The following TBL1XR1 variants were observed in gnomAD, a reference collection of about 807,000 sequenced individuals.
The protein encoded by TBL1XR1 is TBL1X/Y related 1, also known as F-box-like/WD repeat-containing protein TBL1XR1.
Under a neutral mutation model 66.9 loss-of-function variants are expected in TBL1XR1, and 5 were observed. The ratio of observed to expected loss-of-function variants is 0.07; its 90% CI spans 0.04 to 0.16. The LOEUF (loss-of-function observed/expected upper bound fraction) is 0.16, where lower values mean the gene tolerates loss of function less well. TBL1XR1 is among the 10% of genes least tolerant of loss of function. The pLI, the probability that TBL1XR1 is intolerant of heterozygous loss-of-function variation, is 1.00. For synonymous variants in TBL1XR1, 210 were observed against 206.0 expected, an observed-to-expected ratio of 1.02 and a Z score of -0.17; for missense variants, 238 against 623.2, an observed-to-expected ratio of 0.38 and a Z score of 6.58.
At chr3:177,072,412 C>T (rs1331420255) in intron 2 of TBL1XR1, among the ~76,000 whole-genome samples, 1 of 149,764 alleles carries the variant, frequency 6.7e-6, no homozygotes, top group Non-Finnish European at 1.5e-5. Context: ...CTTAGTATTA[C>T]GAATCAAGAC....
intron 3 of TBL1XR1, among the ~76,000 whole-genome samples, chr3:177,057,145 T>C (rs1717906730): frequency 6.6e-6 from 1 of 152,186 alleles, no homozygotes; most frequent in East Asian, 1.9e-4. Flanking sequence ...TAAATTCAAG[T>C]GGTGGCAAAT....
intron 1 of TBL1XR1, among the ~76,000 whole-genome samples, chr3:177,191,193 T>G (rs1218329440): frequency 1.3e-5 from 2 of 152,150 alleles, no homozygotes; most frequent in East Asian, 3.8e-4. Flanking sequence ...GCATACAAAT[T>G]CAATCCAGTT....
At chr3:177,196,762 A>AG (rs546380496) in intron 1 of TBL1XR1, among the ~76,000 whole-genome samples, 1 of 151,884 alleles carries the variant, frequency 6.6e-6, no homozygotes, top group Non-Finnish European at 1.5e-5. Context: ...ACGCACAAAA[A>AG]GGGGGTGTAA....
At position 177,020,015 on chromosome 3, in the gene TBL1XR1, G is replaced by C. The variant is rs1034990518; in HGVS notation, c.*5483C>G. 1 of 148,670 alleles carries C rather than the reference G, an allele frequency of 6.7e-6. No homozygotes were observed. Among genetic ancestry groups the C allele is most frequent in the Non-Finnish European group, 1.5e-5 (1 of 67,174 alleles). 9.2% of individuals were successfully genotyped at this position (148,670 alleles called of 1,614,324 possible). A position where few individuals can be genotyped will look rare whatever the true frequency, so the allele number is the denominator to read the frequency against. On this transcript the variant is annotated 3_prime_UTR_variant, in exon 16 of 16. Transcript: ENST00000457928. ...AAAAAAAAAAGAAAATATGCTCAAT[G>C]ATTCTTTTTAAAAAGTCTCTAACTC... is the stretch of plus-strand genomic sequence containing the variant.
chr3:177,044,598 T>C (rs969641678), intron 10 of TBL1XR1, among the ~76,000 whole-genome samples: 1 of 152,122 alleles, frequency 6.6e-6, no homozygotes, highest in Non-Finnish European at 1.5e-5. Context: ...GTTTCAATGG[T>C]GTATACATAT....
intron 1 of TBL1XR1, chr3:177,195,503 A>T (rs1736730978): frequency 1.4e-5 from 1 of 73,326 alleles, no homozygotes; most frequent in African/African-American, 3.4e-5. Flanking sequence ...TCAATGTAGC[A>T]TGGGTCTTAT....
At chr3:177,098,346 CACTT>C (rs748616997) in intron 2 of TBL1XR1, 116 bp downstream of exon 2, 99 of 329,084 alleles carry the variant, frequency 3.0e-4, no homozygotes, top group Admixed American at 5.9e-4. Flanking sequence ...AAAAAAAAAA[CACTT>C]ACTTAGCTTG....
At chr3:177,075,838 G>T (rs1720631989) in intron 2 of TBL1XR1, among the ~76,000 whole-genome samples, 1 of 152,216 alleles carries the variant, frequency 6.6e-6, no homozygotes, top group African/African-American at 2.4e-5. Context: ...GAAATTTATT[G>T]TCTTATAGAA....
chr3:177,166,100 T>C (rs1732788011), intron 1 of TBL1XR1, among the ~76,000 whole-genome samples: 1 of 151,708 alleles, frequency 6.6e-6, no homozygotes, highest in Non-Finnish European at 1.5e-5. Flanking sequence ...AAAAAATGGA[T>C]CATAGGCCAG....
chr3:177,065,406 A>G (rs748925482), intron 2 of TBL1XR1, among the ~76,000 whole-genome samples: 26 of 152,374 alleles, frequency 1.7e-4, no homozygotes, highest in Non-Finnish European at 2.9e-4. Flanking sequence ...TTAAAAAAGA[A>G]TATCAGTTAC....
intron 1 of TBL1XR1, among the ~76,000 whole-genome samples, chr3:177,124,357 G>A (rs1338935882): frequency 6.6e-6 from 1 of 152,080 alleles, no homozygotes; most frequent in Non-Finnish European, 1.5e-5. Flanking sequence ...TGTTTTCAAT[G>A]CAGAAATCAT....
Position 177,050,494 on chromosome 3 carries a change from C to A in TBL1XR1, c.544G>T (p.Asp182Tyr). Residue 182 changes from aspartate to tyrosine, a missense_variant, in exon 6 of 16, where the codon GAT becomes TAT. Asp to Tyr is a radical substitution (Grantham distance 160, BLOSUM62 -3). This residue lies in a region of TBL1XR1 where 26 missense variants were observed against 103.7 expected (regional missense o/e 0.25). Coordinates refer to ENST00000457928, the MANE Select transcript of TBL1XR1 (RefSeq NM_024665.7). ...GAAACATACCCTGATGCTAGGAGAT[C>A]ACTAACAGGGTTCCAGGCACAGATA... ...VFICAWNPVS[D>Y]LLASGSGDST... 2 of 1,613,700 alleles carry A rather than the reference C, an allele frequency of 1.2e-6. No individual in the cohort carries two copies. Among genetic ancestry groups the A allele is most frequent in the Non-Finnish European group, 1.7e-6 (2 of 1,179,764 alleles).
At chr3:177,105,660 C>T (rs531108824) in intron 1 of TBL1XR1, among the ~76,000 whole-genome samples, 1 of 152,286 alleles carries the variant, frequency 6.6e-6, no homozygotes, top group South Asian at 2.1e-4. Flanking sequence ...TTAGCTCTGT[C>T]CTACAGAAAT....
At position 177,191,306 on chromosome 3, in the gene TBL1XR1, A is replaced by G. The variant is rs371944452; in HGVS notation, c.-122+5815T>C. On this transcript the variant is annotated intron_variant, in intron 1 of 15. Transcript: ENST00000457928. The stretch of plus-strand genomic sequence containing the variant: ...TCAGTAGTTACAGAAGATAAAATGA[A>G]TAAGAAAGGTTGCTCAGGGCAACCA... Among the ~76,000 whole-genome samples the G allele has an allele frequency of 4.0e-4, 61 of 152,332 alleles. No homozygotes were observed. The East Asian group carries it at 0.01, about 26-fold the overall frequency.
chr3:177,153,997 G>A (rs1307408389), intron 1 of TBL1XR1, among the ~76,000 whole-genome samples: 4 of 149,960 alleles, frequency 2.7e-5, no homozygotes, highest in African/African-American at 4.9e-5. Context: ...AAATCAAGGC[G>A]CCAAGAAAAA....
At chr3:177,144,646 C>CAA (rs1730031080) in intron 1 of TBL1XR1, among the ~76,000 whole-genome samples, 1 of 151,440 alleles carries the variant, frequency 6.6e-6, no homozygotes, top group South Asian at 2.1e-4. Flanking sequence ...TCCAGCTACT[C>CAA]AGAGGCTGAG....
intron 1 of TBL1XR1, among the ~76,000 whole-genome samples, chr3:177,118,944 CA>C (rs1440859272): frequency 2.1e-4 from 32 of 152,088 alleles, no homozygotes; most frequent in Non-Finnish European, 2.9e-5. Context: ...CTCATAAAAA[CA>C]AAGAAAAACC....
chr3:177,050,022 T>C lies in TBL1XR1; in HGVS notation c.677A>G (p.Lys226Arg). 6.2e-7 allele frequency: 1 copy of C among 1,613,704 alleles called. No homozygotes were observed. Residue 226 changes from lysine (K) to arginine (R), a missense_variant, in exon 7 of 16, where the codon AAG becomes AGG. Transcript: ENST00000457928. ...ATTCCAATCTAGAGATGTGACATCC[T>C]TGTTGCTTGGAACATCTTGCCCTCC... is the stretch of plus-strand genomic sequence containing the variant. ...REGGQDVPSN[K>R]DVTSLDWNSE...
chr3:177,147,580 AGCTACAGGTTG>A (rs928583464), intron 1 of TBL1XR1, among the ~76,000 whole-genome samples: 67 of 152,360 alleles, frequency 4.4e-4, no homozygotes, highest in African/African-American at 1.3e-3. Context: ...TTTTGTTGTC[AGCTACAGGTTG>A]GCTACAGGCA....
Sources: gnomAD v4.1 joint callset for allele counts (sites outside exome capture counted in the v4.1 genomes callset) on GRCh38, gnomAD v4.1.1 for gene constraint, gnomAD v4.1.1 regional missense constraint, MANE v1.5 for transcripts, NCBI Gene and HGNC (gene_info 2026-07-23, HGNC 2026-07-21) for gene names.